ANKMY1: variants seen among roughly 807,000 people sequenced by gnomAD.
ANKMY1 encodes ankyrin repeat and MYND domain-containing protein 1.
In ANKMY1, 98 loss-of-function variants were observed where a neutral mutation model predicts 102.0. The ratio of observed to expected loss-of-function variants is 0.96; its 90% CI spans 0.82 to 1.14. ANKMY1 has a LOEUF of 1.14. Among genes scored for constraint, ANKMY1 ranks in the 50% most tolerant of loss-of-function variants. ANKMY1 has a pLI of 0.00. For missense variants in ANKMY1, 1,330 were observed against 1,347.6 expected, an observed-to-expected ratio of 0.99 and a Z score of 0.20; for synonymous variants, 582 against 559.9, an observed-to-expected ratio of 1.04 and a Z score of -0.56.
chr2:240,560,568 C>T (rs2092886247), upstream of ANKMY1: 2 of 1,311,618 alleles, frequency 1.5e-6, no homozygotes, highest in African/African-American at 1.6e-5. Context: ...TCGGAGGCCT[C>T]TAGGACCCGG....
chr2:240,551,713 G>A (rs80044530), intron 4 of ANKMY1, among the ~76,000 whole-genome samples: 11,605 of 152,156 alleles, frequency 0.076, 493 homozygotes, highest in Middle Eastern at 0.2. Flanking sequence ...TGCCCACAAC[G>A]CCCCTCCTCA....
chr2:240,513,461 G>A (rs1255134323), intron 9 of ANKMY1, among the ~76,000 whole-genome samples: 4 of 152,266 alleles, frequency 2.6e-5, no homozygotes, highest in Non-Finnish European at 5.9e-5. Context: ...CCGTCCTAAG[G>A]GAGAGCCCGG....
intron 4 of ANKMY1, among the ~76,000 whole-genome samples, chr2:240,536,636 G>A (rs1246554690): frequency 6.6e-6 from 1 of 152,162 alleles, no homozygotes; most frequent in Non-Finnish European, 1.5e-5. Context: ...AAACAATTGA[G>A]CAGTAACATA....
chr2:240,508,839 T>C (rs1198983948), intron 12 of ANKMY1, among the ~76,000 whole-genome samples: 1 of 152,082 alleles, frequency 6.6e-6, no homozygotes, highest in Non-Finnish European at 1.5e-5. Flanking sequence ...GATGTCTAGG[T>C]AGGTGGGTGG....
intron 1 of ANKMY1, 186 bp from the exon 2 acceptor site, chr2:240,557,538 T>A: frequency 1.8e-6 from 1 of 561,138 alleles, no homozygotes; most frequent in South Asian, 4.5e-5. Flanking sequence ...CAGGGAGACC[T>A]GTCGGAACCA....
At chr2:240,510,718 G>A (rs905552866) in intron 11 of ANKMY1, among the ~76,000 whole-genome samples, 1 of 152,122 alleles carries the variant, frequency 6.6e-6, no homozygotes, top group African/African-American at 2.4e-5. Flanking sequence ...CCTCCCTTCT[G>A]GGATACAGAT....
intron 11 of ANKMY1, among the ~76,000 whole-genome samples, chr2:240,511,588 G>T (rs1320438545): frequency 6.6e-6 from 1 of 152,256 alleles, no homozygotes; most frequent in Non-Finnish European, 1.5e-5. Context: ...CACAGCCCAG[G>T]CCAGAGGCTC....
chr2:240,507,867 C>G, intron 12 of ANKMY1, 176 bp from the exon 13 acceptor site: 1 of 670,756 alleles, frequency 1.5e-6, no homozygotes, highest in East Asian at 3.4e-5. Flanking sequence ...CTGGCCTGTC[C>G]CACAGAGGAT....
chr2:240,490,648 T>A (rs1192220598), intron 15 of ANKMY1, among the ~76,000 whole-genome samples: 1 of 152,190 alleles, frequency 6.6e-6, no homozygotes, highest in Admixed American at 6.5e-5. Context: ...ACAGAGTTCT[T>A]CTTGGTACAG....
chr2:240,550,817 A>G (rs2091384654), intron 4 of ANKMY1, among the ~76,000 whole-genome samples: 1 of 151,238 alleles, frequency 6.6e-6, no homozygotes, highest in African/African-American at 2.4e-5. Flanking sequence ...GTTGTATGAC[A>G]CAGAAATAAC....
At chr2:240,507,464 T>C in intron 13 of ANKMY1, 96 bp downstream of exon 13, 2 of 1,054,970 alleles carry the variant, frequency 1.9e-6, no homozygotes, top group Non-Finnish European at 2.4e-6. Flanking sequence ...CCCTCCCCGC[T>C]CATCAGGGCC....
chr2:240,520,598 G>T lies in ANKMY1; in HGVS notation c.1833-65C>A. ...GCACCTGCACTGCGCCCAGAACGGG[G>T]CCATGCCAGCGAGGAGGCTGGGGAG... On this transcript the variant is annotated intron_variant, in intron 8 of 17. Transcript: ENST00000401804. The surrounding 1 kb of genome is among the most constrained non-coding windows in gnomAD (Gnocchi z 4.8). 1 of 1,525,094 alleles carries T rather than the reference G, an allele frequency of 6.6e-7. No individual in the cohort carries two copies. The allele number at this position is 1,525,094 out of a possible 1,614,324, so 94.5% of individuals were successfully genotyped here.
In ANKMY1 at chr2:240,499,374, A is replaced by C; in HGVS notation, c.2806+584T>G. Among the ~76,000 whole-genome samples, 1 of 31,320 alleles carries C rather than the reference A, an allele frequency of 3.2e-5. No homozygotes were observed. Among genetic ancestry groups the C allele is most frequent in the Non-Finnish European group, 6.2e-5 (1 of 16,260 alleles). 20.5% of individuals were successfully genotyped at this position (31,320 alleles called of 152,430 possible). Reference sequence around the variant, plus strand: ...GGTGGGGGTGAGTAGGTGGGTGGGGATGTGGGGGTAGGGAGTGACTATGTG... The same window carrying C: ...GGTGGGGGTGAGTAGGTGGGTGGGGCTGTGGGGGTAGGGAGTGACTATGTG... On this transcript the variant is annotated intron_variant, in intron 15 of 17. Coordinates refer to ENST00000401804, the MANE Select transcript of ANKMY1 (RefSeq NM_001282771.3). This position sits in a 1 kb window ranked among gnomAD's most constrained non-coding sequence, Gnocchi z 4.2.
At chr2:240,541,977 A>C (rs2088970822) in intron 4 of ANKMY1, among the ~76,000 whole-genome samples, 2 of 151,244 alleles carry the variant, frequency 1.3e-5, no homozygotes, top group Admixed American at 6.6e-5. Flanking sequence ...TGAGAGGCCA[A>C]GGTGGGCAGA....
At chr2:240,526,515 G>C in intron 5 of ANKMY1, 70 bp from the exon 6 acceptor site, 1 of 1,594,256 alleles carries the variant, frequency 6.3e-7, no homozygotes, top group Non-Finnish European at 8.5e-7. Flanking sequence ...GGTCCAGCTG[G>C]ACCACCTCCC....
chr2:240,469,641 G>A, the ANKMY1 span, among the ~76,000 whole-genome samples: 167 of 26,146 alleles, frequency 6.4e-3, no homozygotes, highest in Non-Finnish European at 0.011. Context: ...CCATCACACG[G>A]TGCACACACA....
At chr2:240,510,015 TCCC>T (rs1224544859) in intron 11 of ANKMY1, among the ~76,000 whole-genome samples, 2 of 111,542 alleles carry the variant, frequency 1.8e-5, no homozygotes, top group East Asian at 3.1e-4. Context: ...CCTGTCCTCC[TCCC>T]CCGTCCCTGT....
intron 13 of ANKMY1, among the ~76,000 whole-genome samples, chr2:240,501,262 G>T (rs767712490): frequency 6.6e-6 from 1 of 152,152 alleles, no homozygotes; most frequent in Non-Finnish European, 1.5e-5. Flanking sequence ...ATGAGTAAGG[G>T]CATGCATGTG....
intron 5 of ANKMY1, 175 bp from the exon 6 acceptor site, chr2:240,526,620 A>G: frequency 6.9e-7 from 1 of 1,451,188 alleles, no homozygotes; most frequent in Non-Finnish European, 9.0e-7. Context: ...CTCACAATCC[A>G]CTAGGTTGCA....
Sources: gnomAD v4.1 joint callset for allele counts (sites outside exome capture counted in the v4.1 genomes callset) on GRCh38, gnomAD v4.1.1 for gene constraint, Gnocchi (gnomAD v3.1) non-coding constraint, MANE v1.5 for transcripts, NCBI Gene and HGNC (gene_info 2026-07-23, HGNC 2026-07-21) for gene names.